The following FAM186A variants were observed in gnomAD, a reference collection of about 807,000 sequenced individuals.
FAM186A encodes protein FAM186A.
FAM186A carries 163 observed loss-of-function variants against 216.8 expected under a neutral mutation model. That is an observed-to-expected ratio of 0.75 (90% CI 0.66 to 0.86). The LOEUF is 0.86. Among genes scored for constraint, FAM186A ranks in the 40% least tolerant of loss-of-function variants. The pLI is 0.00. For synonymous variants in FAM186A, 805 were observed against 1,025.3 expected, an observed-to-expected ratio of 0.79 and a Z score of 4.10; for missense variants, 2,184 against 2,746.2, an observed-to-expected ratio of 0.80 and a Z score of 4.58.
Position 50,334,017 on chromosome 12 carries a change from A to T in FAM186A, c.6590T>A (p.Leu2197His). ...CATCACCTTTTTCCCGTAGTCATCA[A>T]GTCTGCTCAGCATCATGTGGAGGTT... is the stretch of plus-strand genomic sequence containing the variant. Reference protein sequence around the residue: ...ARNLHMMLSRLDDYGKKVMQV... With the variant: ...ARNLHMMLSRHDDYGKKVMQV... The change falls in exon 5 of 8, where the codon CTT becomes CAT. Residue 2197 changes from leucine (L) to histidine (H), a missense_variant. By Grantham distance (99) the Leu-to-His change is moderately conservative. This residue lies in a region of FAM186A where 721 missense variants were observed against 816.4 expected (regional missense o/e 0.88). Transcript: ENST00000327337. 3 of 1,551,712 alleles carry T rather than the reference A, an allele frequency of 1.9e-6. No individual in the cohort carries two copies. Among genetic ancestry groups the T allele is most frequent in the Non-Finnish European group, 2.6e-6 (3 of 1,147,004 alleles).
chr12:50,363,170 G>A lies in FAM186A; in HGVS notation c.387C>T (p.Asn129=), dbSNP rs947939416. 1.9e-6 allele frequency: 3 copies of A among 1,550,428 alleles called. No homozygotes were observed. In the African/African-American group the frequency reaches 4.1e-5, roughly 21 times the overall value. The change falls in exon 2 of 8, where the codon AAC becomes AAT. Residue 129 remains asparagine, a synonymous_variant. Coordinates refer to ENST00000327337, the MANE Select transcript of FAM186A (RefSeq NM_001145475.3). The part of the protein sequence containing the change: ...TIEIREKTLA[N]ILAWLEEWND... ...TCCATTCTTCCAACCAGGCCAGAAT[G>A]TTGGCAAGAGTCTTTTCTCTTATTT...
Position 50,353,684 on chromosome 12 carries a change from G to A in FAM186A, c.3148C>T (p.Pro1050Ser), listed in dbSNP as rs148400915. 4 of 1,537,952 alleles carry A rather than the reference G, an allele frequency of 2.6e-6. No homozygotes were observed. The African/African-American group carries it at 5.5e-5, about 21-fold the overall frequency. ...PDEKEPISIT[P>S]PPSLQYSLPG... ...AGGGAGTATTGTAGGGAGGGGGGAG[G>A]TGTGATTGATATGGGCTCCTTTTCA... Residue 1050 changes from proline to serine, a missense_variant, in exon 4 of 8, where the codon CCT becomes TCT. Around this residue, in one of 7 missense-constraint regions of FAM186A, gnomAD observed 1,132 missense variants for 1,263.4 expected, o/e 0.90. Transcript: ENST00000327337.
chr12:50,371,140 G>A (rs1247674373), intron 1 of FAM186A, among the ~76,000 whole-genome samples: 1 of 151,306 alleles, frequency 6.6e-6, no homozygotes, highest in Non-Finnish European at 1.5e-5. Flanking sequence ...TTTTTTTGAG[G>A]CAGAATCTTA....
At chr12:50,370,805 A>T (rs1204657019) in intron 1 of FAM186A, among the ~76,000 whole-genome samples, 1 of 152,090 alleles carries the variant, frequency 6.6e-6, no homozygotes. Flanking sequence ...TTATATATAT[A>T]CACAATGGAG....
In FAM186A at chr12:50,352,043, G is replaced by A; in HGVS notation, c.4789C>T (p.Gln1597Ter). 6.6e-7 allele frequency: 1 copy of A among 1,516,174 alleles called. No homozygotes were observed. Among genetic ancestry groups the A allele is most frequent in the Non-Finnish European group, 8.9e-7 (1 of 1,125,756 alleles). The allele number at this position is 1,516,174 out of a possible 1,614,324, so 93.9% of individuals were successfully genotyped here. ...GGGGTGAGAGGGATCCCCAGTTCCT[G>A]CGCCTGCTGAGGGGTGAGAGGGATC... ...LGIPLTPQQA[Q>*]ELGIPLTPQQ... Residue 1597 changes from glutamine (Q) to a stop codon, truncating the protein, a stop_gained, in exon 4 of 8, where the codon CAG (glutamine) becomes TAG (stop). Transcript: ENST00000327337. LOFTEE classifies it high-confidence loss of function.
intron 1 of FAM186A, among the ~76,000 whole-genome samples, chr12:50,376,399 C>T (rs974692821): frequency 2.0e-5 from 3 of 152,212 alleles, no homozygotes; most frequent in Admixed American, 1.3e-4. Flanking sequence ...AAGTGAGTAG[C>T]TCCTATCCGC....
At chr12:50,335,847 C>T (rs1377520333) in intron 4 of FAM186A, among the ~76,000 whole-genome samples, 4 of 151,938 alleles carry the variant, frequency 2.6e-5, no homozygotes, top group African/African-American at 4.8e-5. Context: ...GTAATAAGGC[C>T]GGGCGCAGTG....
chr12:50,359,116 A>C (rs992236030), intron 3 of FAM186A, among the ~76,000 whole-genome samples: 1 of 151,772 alleles, frequency 6.6e-6, no homozygotes, highest in Non-Finnish European at 1.5e-5. Context: ...TAATAAAAAA[A>C]AAGACAGACA....
At chr12:50,378,558 G>GTATA (rs144897665) in intron 1 of FAM186A, among the ~76,000 whole-genome samples, 829 of 14,370 alleles carry the variant, frequency 0.058, 13 homozygotes, top group Middle Eastern at 0.071. Context: ...TATGTAAATT[G>GTATA]TATATATATA....
chr12:50,359,045 A>G (rs943568911), intron 3 of FAM186A, among the ~76,000 whole-genome samples: 15 of 152,074 alleles, frequency 9.9e-5, no homozygotes, highest in African/African-American at 3.4e-4. Flanking sequence ...ATCATTTGCC[A>G]TTAGGAAAAT....
In FAM186A at chr12:50,354,538, T is replaced by C; in HGVS notation, c.2294A>G (p.Gln765Arg). 1 of 1,551,696 alleles carries C rather than the reference T, an allele frequency of 6.4e-7. No individual in the cohort carries two copies. Among genetic ancestry groups the C allele is most frequent in the Middle Eastern group, 1.7e-4 (1 of 5,992 alleles). Reference protein sequence around the residue: ...VVSFMPGLHFQKSPISAKSES... With the variant: ...VVSFMPGLHFRKSPISAKSES... The stretch of plus-strand genomic sequence containing the variant: ...AGATTTTGCACTAATTGGTGACTTC[T>C]GAAAATGCAATCCTGGCATAAATGA... Residue 765 changes from glutamine to arginine, a missense_variant, in exon 4 of 8, where the codon CAG (glutamine) becomes CGG (arginine). Gln to Arg is a conservative substitution (Grantham distance 43, BLOSUM62 1). Around this residue, in one of 7 missense-constraint regions of FAM186A, gnomAD observed 1,132 missense variants for 1,263.4 expected, o/e 0.90. Transcript: ENST00000327337.
chr12:50,377,208 T>TA (rs1249821418), intron 1 of FAM186A, among the ~76,000 whole-genome samples: 2 of 152,154 alleles, frequency 1.3e-5, no homozygotes, highest in Non-Finnish European at 2.9e-5. Flanking sequence ...GACGGACAAA[T>TA]ACATGAATGG....
chr12:50,357,370 C>T (rs910365009), intron 3 of FAM186A, among the ~76,000 whole-genome samples: 29 of 151,926 alleles, frequency 1.9e-4, no homozygotes, highest in Admixed American at 1.7e-3. Context: ...GGCGTGGTGG[C>T]GCATGCCTGT....
intron 4 of FAM186A, among the ~76,000 whole-genome samples, chr12:50,340,052 G>A (rs1942747486): frequency 6.6e-6 from 1 of 151,910 alleles, no homozygotes; most frequent in African/African-American, 2.4e-5. Context: ...TGGTCAGGCT[G>A]GTCTCAAACT....
intron 3 of FAM186A, among the ~76,000 whole-genome samples, chr12:50,359,877 C>T (rs1438566068): frequency 6.6e-6 from 1 of 152,106 alleles, no homozygotes; most frequent in Non-Finnish European, 1.5e-5. Context: ...CTGTGTGGTG[C>T]TGCTGATGGG....
At chr12:50,374,458 G>C (rs1346758969) in intron 1 of FAM186A, among the ~76,000 whole-genome samples, 1 of 152,030 alleles carries the variant, frequency 6.6e-6, no homozygotes, top group Non-Finnish European at 1.5e-5. Context: ...TCATGAAAAA[G>C]TGGGATTTAC....
Position 50,330,743 on chromosome 12 carries a change from CT to C in FAM186A, c.6863del (p.Gln2288ArgfsTer17). The part of the protein sequence containing the change: ...ICKKFRQQED[Q>X]TEAIWNVDLS... The stretch of plus-strand genomic sequence containing the variant: ...GATCAACATTCCAGATGGCCTCTGT[CT>C]GGTCCTCTTGTTGCCTACAGAATCA... On this transcript the variant is annotated frameshift_variant, in exon 7 of 8. Transcript: ENST00000327337. LOFTEE classifies it high-confidence loss of function. 6.6e-7 allele frequency: 1 copy of C among 1,525,804 alleles called. No individual in the cohort carries two copies. The highest frequency in any genetic ancestry group is 1.3e-5 in the South Asian group (1 of 78,270). 94.5% of individuals were successfully genotyped at this position (1,525,804 alleles called of 1,614,324 possible).
At chr12:50,380,398 G>A (rs530005294) in intron 1 of FAM186A, among the ~76,000 whole-genome samples, 9 of 151,698 alleles carry the variant, frequency 5.9e-5, no homozygotes, top group African/African-American at 1.7e-4. Flanking sequence ...GGTGTTGTTC[G>A]GGTGCGGTGG....
At chr12:50,371,304 A>G (rs1943140335) in intron 1 of FAM186A, among the ~76,000 whole-genome samples, 2 of 151,862 alleles carry the variant, frequency 1.3e-5, no homozygotes, top group African/African-American at 4.8e-5. Flanking sequence ...TTTTTAGTAG[A>G]GACGGGGTTT....
Sources: allele counts gnomAD v4.1 joint callset (sites outside exome capture counted in the v4.1 genomes callset), GRCh38; gene constraint gnomAD v4.1.1; regional missense constraint gnomAD v4.1.1; transcripts MANE v1.5; gene names NCBI Gene and HGNC (gene_info 2026-07-23, HGNC 2026-07-21).